The following PACSIN2 variants were observed in gnomAD, a reference collection of about 807,000 sequenced individuals.
The protein encoded by PACSIN2 is protein kinase C and casein kinase substrate in neurons 2.
In PACSIN2, 25 loss-of-function variants were observed where a neutral mutation model predicts 63.8. The ratio of observed to expected loss-of-function variants is 0.39; its 90% CI spans 0.29 to 0.55. The LOEUF (loss-of-function observed/expected upper bound fraction) is 0.55. Ranked by LOEUF, PACSIN2 falls within the 20% of genes least tolerant of loss-of-function variation. PACSIN2 has a pLI of 0.62. For synonymous variants in PACSIN2, 255 were observed against 256.2 expected (o/e 1.00, Z 0.05); for missense variants, 518 against 646.9 (o/e 0.80, Z 2.16).
chr22:43,007,340 C>T (rs1376051436), intron 1 of PACSIN2, among the ~76,000 whole-genome samples: 1 of 151,992 alleles, frequency 6.6e-6, no homozygotes, highest in Non-Finnish European at 1.5e-5. Flanking sequence ...CTCAGCCTCC[C>T]GAGTACCTGG....
intron 10 of PACSIN2, among the ~76,000 whole-genome samples, chr22:42,873,331 GA>G (rs1485958587): frequency 6.6e-6 from 1 of 152,100 alleles, no homozygotes; most frequent in Non-Finnish European, 1.5e-5. Context: ...CCCAACCAAA[GA>G]TATCAGAAAC....
At chr22:42,909,430 G>T in intron 2 of PACSIN2, 1 of 429,912 alleles carries the variant, frequency 2.3e-6, no homozygotes. Flanking sequence ...TACCTGCCTG[G>T]GAAGATGTGC....
chr22:42,941,162 T>C (rs181756029), intron 1 of PACSIN2, among the ~76,000 whole-genome samples: 1 of 152,340 alleles, frequency 6.6e-6, no homozygotes, highest in Non-Finnish European at 1.5e-5. Flanking sequence ...GTGATTGGCT[T>C]CCTTCACTTT....
intron 1 of PACSIN2, among the ~76,000 whole-genome samples, chr22:42,986,635 T>C (rs1180556520): frequency 1.3e-5 from 2 of 151,984 alleles, no homozygotes; most frequent in Non-Finnish European, 2.9e-5. Context: ...GGGAACACAA[T>C]GACTTCAGAC....
intron 2 of PACSIN2, among the ~76,000 whole-genome samples, chr22:42,898,335 G>C (rs1197681439): frequency 3.3e-5 from 5 of 151,182 alleles, no homozygotes; most frequent in African/African-American, 1.2e-4. Context: ...GCAATGGTGC[G>C]ATCTCGGCTC....
At chr22:42,990,372 G>C (rs907184837) in intron 1 of PACSIN2, among the ~76,000 whole-genome samples, 3 of 152,068 alleles carry the variant, frequency 2.0e-5, no homozygotes, top group African/African-American at 7.2e-5. Flanking sequence ...CCTATGATGT[G>C]CCATTTCAGA....
At chr22:43,014,365 C>CACACACACACACACACA (rs1227376539) in intron 1 of PACSIN2, among the ~76,000 whole-genome samples, 2 of 9,360 alleles carry the variant, frequency 2.1e-4, no homozygotes, top group African/African-American at 8.7e-4. Context: ...CACACACACA[C>CACACACACACACACACA]CACCCCCCCC....
chr22:42,970,371 T>C (rs961714971), intron 1 of PACSIN2, among the ~76,000 whole-genome samples: 19 of 152,202 alleles, frequency 1.2e-4, no homozygotes, highest in Non-Finnish European at 2.4e-4. Flanking sequence ...CTGGATGGGA[T>C]CCTAGAACTG....
intron 1 of PACSIN2, among the ~76,000 whole-genome samples, chr22:43,009,865 AT>A (rs898985902): frequency 0.024 from 1,818 of 75,594 alleles, 17 homozygotes; most frequent in African/African-American, 0.061. Context: ...TATTTTTTCT[AT>A]TTTTTTTTTT....
At chr22:42,943,807 T>A (rs1486568508) in intron 1 of PACSIN2, among the ~76,000 whole-genome samples, 2 of 152,142 alleles carry the variant, frequency 1.3e-5, no homozygotes, top group Non-Finnish European at 2.9e-5. Context: ...TTTGTGATAA[T>A]AAGGTATCAG....
intron 1 of PACSIN2, among the ~76,000 whole-genome samples, chr22:42,997,456 G>A (rs1360627986): frequency 6.6e-6 from 1 of 151,958 alleles, no homozygotes; most frequent in Non-Finnish European, 1.5e-5. Context: ...TACCTGGGAG[G>A]CTGAGGCAGG....
At chr22:42,998,215 C>T (rs1923541179) in intron 1 of PACSIN2, among the ~76,000 whole-genome samples, 1 of 152,220 alleles carries the variant, frequency 6.6e-6, no homozygotes, top group Non-Finnish European at 1.5e-5. Flanking sequence ...CACATCAATG[C>T]TCCCAGAGAA....
chr22:42,903,816 C>T (rs558900986), intron 2 of PACSIN2, among the ~76,000 whole-genome samples: 4 of 152,214 alleles, frequency 2.6e-5, no homozygotes, highest in Admixed American at 6.5e-5. Flanking sequence ...TTCCTCGGGG[C>T]CTCAATTCTG....
At chr22:42,940,002 C>G (rs974566760) in intron 1 of PACSIN2, among the ~76,000 whole-genome samples, 1 of 152,184 alleles carries the variant, frequency 6.6e-6, no homozygotes, top group African/African-American at 2.4e-5. Flanking sequence ...CTACCTAGCA[C>G]CAGACACAAT....
chr22:42,884,596 T>C (rs762906972), intron 5 of PACSIN2, 35 bp from the exon 6 acceptor site: 5 of 1,591,610 alleles, frequency 3.1e-6, no homozygotes, highest in African/African-American at 1.3e-5. Context: ...CAGAGGTTCA[T>C]TTCCATTTAG....
chr22:42,907,955 G>A (rs951170134), intron 2 of PACSIN2, among the ~76,000 whole-genome samples: 3 of 152,264 alleles, frequency 2.0e-5, no homozygotes, highest in African/African-American at 7.2e-5. Flanking sequence ...CCGACTCAGA[G>A]CAAGTTGCAA....
At position 42,871,308 on chromosome 22, in the gene PACSIN2, G is replaced by C; in HGVS notation, c.*49C>G. On this transcript the variant is annotated 3_prime_UTR_variant, in exon 11 of 11. Transcript: ENST00000263246. The surrounding 1 kb of genome is among the most constrained non-coding windows in gnomAD (Gnocchi z 5.4). ...GTGGATGCCCACGTGGCTGGCTGAG[G>C]CTCCTGGGCCCGCCGCCTCCGTCCC... is the stretch of plus-strand genomic sequence containing the variant. The C allele has an allele frequency of 8.3e-7, 1 of 1,203,900 alleles. No homozygotes were observed. The highest frequency in any genetic ancestry group is 1.2e-5 in the South Asian group (1 of 82,716). The allele number at this position is 1,203,900 out of a possible 1,614,324, so 74.6% of individuals were successfully genotyped here.
At chr22:42,954,755 G>T (rs1167528213) in intron 1 of PACSIN2, among the ~76,000 whole-genome samples, 6 of 152,146 alleles carry the variant, frequency 3.9e-5, no homozygotes, top group Admixed American at 2.0e-4. Context: ...ATATCCAAGA[G>T]GAAAAACAGA....
At chr22:42,904,222 C>T (rs893124415) in intron 2 of PACSIN2, among the ~76,000 whole-genome samples, 3 of 152,208 alleles carry the variant, frequency 2.0e-5, no homozygotes, top group Non-Finnish European at 2.9e-5. Context: ...TCCCTTGGTG[C>T]GTGTTACACA....
Sources: allele counts gnomAD v4.1 joint callset (sites outside exome capture counted in the v4.1 genomes callset), GRCh38; gene constraint gnomAD v4.1.1; non-coding constraint Gnocchi (gnomAD v3.1); transcripts MANE v1.5; gene names NCBI Gene and HGNC (gene_info 2026-07-23, HGNC 2026-07-21).